CEP85L: variants seen among roughly 807,000 people sequenced by gnomAD.
The protein encoded by CEP85L is centrosomal protein of 85 kDa-like.
Under a neutral mutation model 100.3 loss-of-function variants are expected in CEP85L, and 60 were observed. That is an observed-to-expected ratio of 0.60 (90% CI 0.49 to 0.74). The LOEUF (loss-of-function observed/expected upper bound fraction) is 0.74, where lower values mean the gene tolerates loss of function less well. Ranked by LOEUF, CEP85L falls within the 30% of genes least tolerant of loss-of-function variation. CEP85L has a pLI of 0.00. For missense variants in CEP85L, 973 were observed against 936.2 expected, an observed-to-expected ratio of 1.04 and a Z score of -0.51; for synonymous variants, 319 against 322.7, an observed-to-expected ratio of 0.99 and a Z score of 0.12.
chr6:118,604,490 T>G (rs539114385), intron 2 of CEP85L, among the ~76,000 whole-genome samples: 1 of 152,370 alleles, frequency 6.6e-6, no homozygotes, highest in East Asian at 1.9e-4. Flanking sequence ...CGTGCCTTCT[T>G]ATAATCTTTT....
Position 118,460,938 on chromosome 6 carries a change from C to T in CEP85L, c.*4467G>A, listed in dbSNP as rs984762441. On this transcript the variant is annotated 3_prime_UTR_variant, in exon 13 of 13. Transcript: ENST00000368491. ...CTGTAAACCCTATTAAAAAACAGAACAACAAGAAGAAAACCCCTTTACAAA... is the reference window on the plus strand; with the variant it reads ...CTGTAAACCCTATTAAAAAACAGAATAACAAGAAGAAAACCCCTTTACAAA... The T allele has an allele frequency of 2.7e-5, 4 of 150,724 alleles. No individual in the cohort carries two copies. Among genetic ancestry groups the T allele is most frequent in the Non-Finnish European group, 4.4e-5 (3 of 67,720 alleles). The allele number at this position is 150,724 out of a possible 1,614,324, so 9.3% of individuals were successfully genotyped here.
At chr6:118,582,043 G>A (rs76747834) in intron 2 of CEP85L, among the ~76,000 whole-genome samples, 9 of 152,204 alleles carry the variant, frequency 5.9e-5, no homozygotes, top group South Asian at 2.1e-4. Flanking sequence ...TTCTTTTAGC[G>A]GCCACAGGGA....
intron 3 of CEP85L, among the ~76,000 whole-genome samples, chr6:118,541,705 AT>A (rs1281452207): frequency 6.6e-6 from 1 of 152,222 alleles, no homozygotes; most frequent in Non-Finnish European, 1.5e-5. Flanking sequence ...TCAGATCTAC[AT>A]TAAGGTAGGA....
chr6:118,567,171 A>C (rs1406404846), intron 2 of CEP85L, among the ~76,000 whole-genome samples: 1 of 150,306 alleles, frequency 6.7e-6, no homozygotes, highest in Admixed American at 6.7e-5. Flanking sequence ...TTAATGGCAT[A>C]TATATATGTG....
At chr6:118,706,192 A>G (rs182621766) in intron 1 of CEP85L, among the ~76,000 whole-genome samples, 139 of 152,308 alleles carry the variant, frequency 9.1e-4, no homozygotes, top group Non-Finnish European at 1.7e-3. Flanking sequence ...TGACAAGGGG[A>G]TTATTTTTAG....
intron 6 of CEP85L, among the ~76,000 whole-genome samples, chr6:118,484,138 T>C (rs28695601): frequency 0.042 from 6,437 of 152,106 alleles, 182 homozygotes; most frequent in Non-Finnish European, 0.064. Context: ...GGCAAAACCC[T>C]GTCTCTACTA....
At chr6:118,647,328 C>T (rs778187308) in intron 1 of CEP85L, among the ~76,000 whole-genome samples, 5 of 152,134 alleles carry the variant, frequency 3.3e-5, no homozygotes, top group Non-Finnish European at 7.4e-5. Flanking sequence ...TAATACTCTA[C>T]CTCAAAATGT....
intron 1 of CEP85L, among the ~76,000 whole-genome samples, chr6:118,668,373 C>CACTGATATATACACCCAG (rs1281025515): frequency 6.6e-6 from 1 of 152,198 alleles, no homozygotes; most frequent in Non-Finnish European, 1.5e-5. Context: ...AGGTGGGTTG[C>CACTGATATATACACCCAG]ACTGATATAT....
chr6:118,652,923 G>C (rs1775646408), upstream of CEP85L: 1 of 534,536 alleles, frequency 1.9e-6, no homozygotes, highest in Non-Finnish European at 3.3e-6. Context: ...ATTTTTTTAA[G>C]TCCCAAAAAG....
intron 2 of CEP85L, among the ~76,000 whole-genome samples, chr6:118,597,926 C>T (rs928681244): frequency 3.3e-5 from 5 of 152,030 alleles, no homozygotes; most frequent in South Asian, 2.1e-4. Flanking sequence ...AGGTTAATAC[C>T]GTAATACTCT....
chr6:118,556,392 C>T (rs1301134772), intron 3 of CEP85L, among the ~76,000 whole-genome samples: 4 of 152,128 alleles, frequency 2.6e-5, no homozygotes, highest in Non-Finnish European at 5.9e-5. Flanking sequence ...TGAAGGGGGA[C>T]AGAGTCTCAA....
chr6:118,649,335 T>C (rs1775397348), intron 1 of CEP85L, among the ~76,000 whole-genome samples: 1 of 152,150 alleles, frequency 6.6e-6, no homozygotes, highest in African/African-American at 2.4e-5. Flanking sequence ...ATTTCTTCAA[T>C]TAGGGTAGTA....
At chr6:118,686,926 A>G (rs763036330) in intron 1 of CEP85L, among the ~76,000 whole-genome samples, 11 of 152,162 alleles carry the variant, frequency 7.2e-5, no homozygotes, top group Non-Finnish European at 1.3e-4. Context: ...TGAAGCCTAC[A>G]TGCCTTTCCA....
intron 2 of CEP85L, among the ~76,000 whole-genome samples, chr6:118,617,996 G>A (rs1773180366): frequency 6.6e-6 from 1 of 152,246 alleles, no homozygotes; most frequent in Admixed American, 6.5e-5. Flanking sequence ...CTGGGAAAGG[G>A]CTCTCTGACA....
chr6:118,668,378 A>G (rs1776195181), intron 1 of CEP85L, among the ~76,000 whole-genome samples: 1 of 152,234 alleles, frequency 6.6e-6, no homozygotes, highest in Non-Finnish European at 1.5e-5. Flanking sequence ...GGTTGCACTG[A>G]TATATACACC....
At chr6:118,613,978 C>T (rs1347646577) in intron 2 of CEP85L, among the ~76,000 whole-genome samples, 1 of 152,020 alleles carries the variant, frequency 6.6e-6, no homozygotes, top group African/African-American at 2.4e-5. Context: ...GAAAACAATC[C>T]TTAACAAACT....
At chr6:118,703,356 T>A (rs1416411052) in intron 1 of CEP85L, among the ~76,000 whole-genome samples, 1 of 152,228 alleles carries the variant, frequency 6.6e-6, no homozygotes, top group Non-Finnish European at 1.5e-5. Flanking sequence ...ATCATTTTAC[T>A]GGGATTTGAA....
At chr6:118,645,142 G>A (rs890788597) in intron 1 of CEP85L, among the ~76,000 whole-genome samples, 6 of 152,098 alleles carry the variant, frequency 3.9e-5, no homozygotes, top group Non-Finnish European at 7.4e-5. Flanking sequence ...CAAACTTCTC[G>A]AACTCATTTC....
chr6:118,533,091 A>C (rs377017989), intron 3 of CEP85L, among the ~76,000 whole-genome samples: 2 of 152,254 alleles, frequency 1.3e-5, no homozygotes, highest in Admixed American at 6.5e-5. Context: ...TAGAAACTAG[A>C]ATATAAGCCC....
Sources: gnomAD v4.1 joint callset for allele counts (sites outside exome capture counted in the v4.1 genomes callset) on GRCh38, gnomAD v4.1.1 for gene constraint, MANE v1.5 for transcripts, NCBI Gene and HGNC (gene_info 2026-07-23, HGNC 2026-07-21) for gene names.